The following AFG1L variants were observed in gnomAD, a reference collection of about 807,000 sequenced individuals.
The protein encoded by AFG1L is AFG1-like ATPase.
A neutral mutation model predicts 62.2 loss-of-function variants in AFG1L; 53 were observed. The observed-to-expected ratio is 0.85, with a 90% CI of 0.68 to 1.07. AFG1L has a LOEUF of 1.07. AFG1L is among the 50% of genes least tolerant of loss of function. The probability of loss-of-function intolerance (pLI) is 0.00; values close to 1 mark genes in which losing one functional copy is unlikely to be tolerated. For synonymous variants in AFG1L, 228 were observed against 210.3 expected (o/e 1.08, Z -0.73); for missense variants, 555 against 590.5 (o/e 0.94, Z 0.62).
At chr6:108,341,208 A>T (rs1778668867) in intron 2 of AFG1L, among the ~76,000 whole-genome samples, 1 of 152,118 alleles carries the variant, frequency 6.6e-6, no homozygotes. Flanking sequence ...GTTAGAGTAC[A>T]TTTGATTCTT....
At chr6:108,424,072 A>C (rs1770713561) in intron 7 of AFG1L, among the ~76,000 whole-genome samples, 1 of 152,102 alleles carries the variant, frequency 6.6e-6, no homozygotes, top group African/African-American at 2.4e-5. Context: ...AAACTACACA[A>C]TCACATCACA....
At chr6:108,517,281 C>A (rs1291100494) in intron 11 of AFG1L, among the ~76,000 whole-genome samples, 1 of 152,138 alleles carries the variant, frequency 6.6e-6, no homozygotes, top group Admixed American at 6.6e-5. Context: ...ACCAAAACAG[C>A]ATGTTACTGG....
intron 7 of AFG1L, among the ~76,000 whole-genome samples, chr6:108,438,731 C>T (rs868411235): frequency 2.0e-5 from 3 of 152,036 alleles, no homozygotes; most frequent in African/African-American, 4.8e-5. Flanking sequence ...TCCCCCTTCC[C>T]GCTTTTTGGA....
At chr6:108,474,335 C>A (rs1324018540) in intron 8 of AFG1L, among the ~76,000 whole-genome samples, 2 of 152,158 alleles carry the variant, frequency 1.3e-5, no homozygotes, top group Non-Finnish European at 2.9e-5. Context: ...AATAGTGCTG[C>A]AACAAATATA....
intron 10 of AFG1L, among the ~76,000 whole-genome samples, chr6:108,491,913 T>A (rs1451266144): frequency 6.6e-6 from 1 of 152,172 alleles, no homozygotes; most frequent in Non-Finnish European, 1.5e-5. Context: ...TTTTCAAATA[T>A]CCAAGCCTGA....
At chr6:108,466,350 A>G (rs547171912) in intron 8 of AFG1L, among the ~76,000 whole-genome samples, 2 of 152,354 alleles carry the variant, frequency 1.3e-5, no homozygotes, top group Admixed American at 6.5e-5. Context: ...TAGAATGTTC[A>G]TGGTAGCACT....
At chr6:108,507,168 CTTT>C (rs1252148760) in intron 10 of AFG1L, among the ~76,000 whole-genome samples, 1 of 151,892 alleles carries the variant, frequency 6.6e-6, no homozygotes, top group African/African-American at 2.4e-5. Context: ...GTTTGAATGA[CTTT>C]TTTTTAATTG....
At chr6:108,373,207 A>G (rs1392035489) in intron 6 of AFG1L, among the ~76,000 whole-genome samples, 1 of 151,978 alleles carries the variant, frequency 6.6e-6, no homozygotes, top group Admixed American at 6.6e-5. Context: ...CCCCTCTAGT[A>G]GTCCCCCGTG....
At chr6:108,383,739 A>G (rs1582483268) in intron 6 of AFG1L, among the ~76,000 whole-genome samples, 1 of 152,216 alleles carries the variant, frequency 6.6e-6, no homozygotes, top group Non-Finnish European at 1.5e-5. Context: ...AGACAGATAC[A>G]GTCGAGCATT....
At chr6:108,319,301 C>T (rs1258861006) in intron 1 of AFG1L, among the ~76,000 whole-genome samples, 1 of 152,158 alleles carries the variant, frequency 6.6e-6, no homozygotes, top group Non-Finnish European at 1.5e-5. Flanking sequence ...AGTGCAGTAG[C>T]ATGATCTCCA....
chr6:108,320,732 G>T (rs558169597), intron 1 of AFG1L, among the ~76,000 whole-genome samples: 32 of 152,050 alleles, frequency 2.1e-4, no homozygotes, highest in Non-Finnish European at 4.1e-4. Context: ...CACGTTGCAG[G>T]GGGCATGGCA....
intron 6 of AFG1L, chr6:108,373,025 TTTAC>T (rs2114523211): frequency 6.6e-6 from 1 of 152,348 alleles, no homozygotes; most frequent in Non-Finnish European, 1.5e-5. Flanking sequence ...ATTTTTGTTT[TTTAC>T]TTTTTTATTT....
At chr6:108,414,539 C>T (rs188126580) in intron 7 of AFG1L, among the ~76,000 whole-genome samples, 2 of 152,208 alleles carry the variant, frequency 1.3e-5, no homozygotes, top group East Asian at 1.9e-4. Flanking sequence ...ACTGGCAAAC[C>T]GAATCCAGCA....
chr6:108,331,037 C>T (rs969753539), intron 2 of AFG1L, among the ~76,000 whole-genome samples: 11 of 151,964 alleles, frequency 7.2e-5, no homozygotes, highest in South Asian at 2.1e-4. Flanking sequence ...CCTGTAATTC[C>T]GGCATTTTGA....
intron 8 of AFG1L, among the ~76,000 whole-genome samples, chr6:108,465,338 A>G (rs1772623030): frequency 1.3e-5 from 2 of 152,194 alleles, no homozygotes; most frequent in South Asian, 4.1e-4. Context: ...TACTTCCTCA[A>G]ATTTTACTGG....
intron 10 of AFG1L, among the ~76,000 whole-genome samples, chr6:108,481,724 A>G (rs148711265): frequency 6.4e-4 from 97 of 152,382 alleles, no homozygotes; most frequent in Non-Finnish European, 1.1e-3. Flanking sequence ...AAGTGAAAGT[A>G]CACGTAATAA....
At chr6:108,451,961 C>T (rs1022903158) in intron 8 of AFG1L, among the ~76,000 whole-genome samples, 3 of 152,070 alleles carry the variant, frequency 2.0e-5, no homozygotes, top group African/African-American at 4.8e-5. Context: ...GTGATCCATC[C>T]GCCTCAGCCT....
intron 1 of AFG1L, among the ~76,000 whole-genome samples, chr6:108,307,868 A>G (rs887986843): frequency 6.6e-6 from 1 of 152,172 alleles, no homozygotes; most frequent in African/African-American, 2.4e-5. Context: ...AGTCACTCTA[A>G]TAAGTGTGTA....
intron 2 of AFG1L, among the ~76,000 whole-genome samples, chr6:108,325,377 C>G (rs1405194426): frequency 6.6e-6 from 1 of 151,790 alleles, no homozygotes; most frequent in Admixed American, 6.6e-5. Flanking sequence ...GCACTCTACC[C>G]AGCTAACTTT....
Sources: allele counts gnomAD v4.1 joint callset (sites outside exome capture counted in the v4.1 genomes callset), GRCh38; gene constraint gnomAD v4.1.1; transcripts MANE v1.5; gene names NCBI Gene and HGNC (gene_info 2026-07-23, HGNC 2026-07-21).